The following PKIB variants were observed in gnomAD, a reference collection of about 807,000 sequenced individuals.
PKIB encodes the protein cAMP-dependent protein kinase inhibitor beta.
Under a neutral mutation model 4.5 loss-of-function variants are expected in PKIB, and 2 were observed. That is an observed-to-expected ratio of 0.44 (90% CI 0.18 to 1.39). The LOEUF is 1.39. PKIB is among the 40% of genes most tolerant of loss of function. The pLI is 0.27. For missense variants in PKIB, 94 were observed against 92.6 expected, an observed-to-expected ratio of 1.02 and a Z score of -0.06; for synonymous variants, 38 against 36.0, an observed-to-expected ratio of 1.06 and a Z score of -0.20.
At chr6:122,577,077 A>G (rs967033305) in intron 2 of PKIB, among the ~76,000 whole-genome samples, 3 of 152,166 alleles carry the variant, frequency 2.0e-5, no homozygotes, top group African/African-American at 7.2e-5. Flanking sequence ...AGATTTTACA[A>G]TACACTGGAA....
intron 2 of PKIB, among the ~76,000 whole-genome samples, chr6:122,543,355 C>CTT (rs34068830): frequency 0.011 from 1,547 of 138,776 alleles, 35 homozygotes; most frequent in African/African-American, 0.04. Context: ...CCACCCCCTC[C>CTT]TTTTTTTTTT....
intron 2 of PKIB, among the ~76,000 whole-genome samples, chr6:122,509,764 A>G (rs1053265113): frequency 2.6e-5 from 4 of 152,124 alleles, no homozygotes; most frequent in Non-Finnish European, 5.9e-5. Context: ...TACTGTAAGC[A>G]TTTTTATGGT....
rs1351472755 is a variant in PKIB, at chr6:122,698,056, T to A, written c.-8-19731T>A. Among the ~76,000 whole-genome samples, 6 of 152,142 alleles carry A rather than the reference T, an allele frequency of 3.9e-5. No homozygotes were observed. In the East Asian group the frequency reaches 1.2e-3, roughly 29 times the overall value. On this transcript the variant is annotated intron_variant, in intron 3 of 4. Transcript: ENST00000368452. ...AGGGCATCCATTGCCAAGATAAATG[T>A]CTAGAGTGTGCCAATTGTGCTGACC...
At chr6:122,635,463 C>A (rs1465144687) in intron 2 of PKIB, among the ~76,000 whole-genome samples, 1 of 148,526 alleles carries the variant, frequency 6.7e-6, no homozygotes, top group Non-Finnish European at 1.5e-5. Context: ...TCTTAAGGAA[C>A]AAATTATCCC....
intron 2 of PKIB, among the ~76,000 whole-genome samples, chr6:122,514,135 T>A (rs542276744): frequency 6.6e-6 from 1 of 152,328 alleles, no homozygotes; most frequent in South Asian, 2.1e-4. Flanking sequence ...AAGGAACAGA[T>A]TCCAGGGATG....
intron 3 of PKIB, among the ~76,000 whole-genome samples, chr6:122,600,606 T>A (rs1213713513): frequency 6.6e-6 from 1 of 152,164 alleles, no homozygotes; most frequent in Non-Finnish European, 1.5e-5. Context: ...AAGCCCTAGA[T>A]AAATTACTTC....
rs114912206 is a variant in PKIB, at chr6:122,570,251, A to G, written c.-247-15670A>G. Among the ~76,000 whole-genome samples the G allele has an allele frequency of 6.3e-3, 958 of 152,308 alleles. 20 individuals are homozygous for G. Among genetic ancestry groups the G allele is most frequent in the African/African-American group, 0.022 (913 of 41,554 alleles). ...TAGATGCCTTCCCTGCTGGCCTGGC[A>G]GGGTAGCTGAGGTGCTCCCACCTTT... On this transcript the variant is annotated intron_variant, in intron 2 of 6. Coordinates refer to the PKIB transcript ENST00000392491.
chr6:122,575,554 G>GAT (rs992720242), intron 2 of PKIB, among the ~76,000 whole-genome samples: 10 of 152,068 alleles, frequency 6.6e-5, no homozygotes, highest in Admixed American at 5.9e-4. Flanking sequence ...AAGAAAATGT[G>GAT]ATATATATAC....
intron 2 of PKIB, among the ~76,000 whole-genome samples, chr6:122,497,587 C>T (rs1776112369): frequency 6.6e-6 from 1 of 152,070 alleles, no homozygotes; most frequent in Admixed American, 6.6e-5. Flanking sequence ...ACAAAATAGA[C>T]TTTAAAACAT....
intron 2 of PKIB, among the ~76,000 whole-genome samples, chr6:122,553,144 G>A (rs1405906006): frequency 2.0e-5 from 3 of 152,066 alleles, no homozygotes; most frequent in Non-Finnish European, 4.4e-5. Context: ...CAAGGTAATA[G>A]CATGGTCTAC....
At chr6:122,488,378 A>C (rs897984948) in intron 2 of PKIB, among the ~76,000 whole-genome samples, 10 of 152,004 alleles carry the variant, frequency 6.6e-5, no homozygotes, top group African/African-American at 2.4e-4. Context: ...CCCCACCTAG[A>C]AGCTGAATAC....
At chr6:122,722,928 A>G (rs1779800783) in intron 4 of PKIB, among the ~76,000 whole-genome samples, 1 of 152,128 alleles carries the variant, frequency 6.6e-6, no homozygotes, top group South Asian at 2.1e-4. Flanking sequence ...CACAAATGAC[A>G]TCATTTCTGC....
Position 122,520,661 on chromosome 6 carries a change from T to TCCCA in PKIB, c.-248+42726_-248+42729dup, listed in dbSNP as rs1554217171. Among the ~76,000 whole-genome samples, 495 of 55,568 alleles carry TCCCA rather than the reference T, an allele frequency of 8.9e-3. 2 individuals are homozygous for TCCCA. The highest frequency in any genetic ancestry group is 0.028 in the African/African-American group (468 of 16,784). 36.5% of individuals were successfully genotyped at this position (55,568 alleles called of 152,430 possible). A position where few individuals can be genotyped will look rare whatever the true frequency, so the allele number is the denominator to read the frequency against. On this transcript the variant is annotated intron_variant, in intron 2 of 6. Coordinates refer to the PKIB transcript ENST00000392491. Reference sequence around the variant, plus strand: ...TGTGGTGTGGGCTGAAAGTTTATGTTCCCACCCCCCCCCCACCAAATTTAT... The same window carrying TCCCA: ...TGTGGTGTGGGCTGAAAGTTTATGTTCCCACCCACCCCCCCCCCACCAAATTTAT...
chr6:122,473,814 AGTCT>A (rs745963986), intron 1 of PKIB, among the ~76,000 whole-genome samples: 7 of 152,222 alleles, frequency 4.6e-5, no homozygotes, highest in Non-Finnish European at 1.0e-4. Context: ...AATTCAAATT[AGTCT>A]AAGTAAGTAC....
chr6:122,715,113 ATT>A (rs1265558760), intron 3 of PKIB, among the ~76,000 whole-genome samples: 2 of 152,000 alleles, frequency 1.3e-5, no homozygotes, highest in Admixed American at 6.6e-5. Context: ...AAAAAAAGGA[ATT>A]TCTCTTTCAA....
chr6:122,533,585 A>G (rs1777323957), intron 2 of PKIB, among the ~76,000 whole-genome samples: 2 of 152,216 alleles, frequency 1.3e-5, no homozygotes, highest in East Asian at 1.9e-4. Flanking sequence ...TTCAGAGTGT[A>G]GGAGACTTCA....
chr6:122,695,996 G>A (rs1353156297), intron 3 of PKIB, among the ~76,000 whole-genome samples: 2 of 152,094 alleles, frequency 1.3e-5, no homozygotes, highest in Admixed American at 6.5e-5. Context: ...ACCTGTGTAT[G>A]GCTGATAACA....
chr6:122,697,010 T>A (rs546069824), intron 3 of PKIB, among the ~76,000 whole-genome samples: 1 of 152,314 alleles, frequency 6.6e-6, no homozygotes, highest in African/African-American at 2.4e-5. Context: ...ATTAGTCATG[T>A]CTACTGATGG....
intron 2 of PKIB, among the ~76,000 whole-genome samples, chr6:122,568,124 A>G (rs563027859): frequency 9.2e-5 from 14 of 152,248 alleles, no homozygotes; most frequent in African/African-American, 3.4e-4. Flanking sequence ...CTTTTATCAC[A>G]AACAACATTG....
Sources: gnomAD v4.1 joint callset for allele counts (sites outside exome capture counted in the v4.1 genomes callset) on GRCh38, gnomAD v4.1.1 for gene constraint, MANE v1.5 for transcripts, NCBI Gene and HGNC (gene_info 2026-07-23, HGNC 2026-07-21) for gene names.